NEMP2: variants seen among roughly 807,000 people sequenced by gnomAD.
NEMP2 encodes nuclear envelope integral membrane protein 2.
NEMP2 carries 53 observed loss-of-function variants against 54.2 expected under a neutral mutation model. The observed-to-expected ratio is 0.98, with a 90% confidence interval of 0.78 to 1.23. The LOEUF is 1.23. NEMP2 is among the 50% of genes most tolerant of loss of function. The probability of loss-of-function intolerance (pLI) is 0.00; values close to 1 mark genes in which losing one functional copy is unlikely to be tolerated. For missense variants in NEMP2, 455 were observed against 511.3 expected, an observed-to-expected ratio of 0.89 and a Z score of 1.06; for synonymous variants, 197 against 190.3, an observed-to-expected ratio of 1.04 and a Z score of -0.29.
the NEMP2 span, among the ~76,000 whole-genome samples, chr2:190,424,672 C>T: frequency 2.2e-4 from 33 of 152,258 alleles, no homozygotes; most frequent in Middle Eastern, 6.8e-3. This position sits in a 1 kb window ranked among gnomAD's most constrained non-coding sequence, Gnocchi z 5.9. Flanking sequence ...CTAATTACCT[C>T]AGCACCATTT....
chr2:190,454,677 T>C, the NEMP2 span, among the ~76,000 whole-genome samples: 3 of 152,070 alleles, frequency 2.0e-5, no homozygotes, highest in Non-Finnish European at 4.4e-5. This position sits in a 1 kb window ranked among gnomAD's most constrained non-coding sequence, Gnocchi z 4.6. Flanking sequence ...TCCAGAACTA[T>C]AAGAAATAAA....
At chr2:190,595,448 A>C in the NEMP2 span, among the ~76,000 whole-genome samples, 1 of 152,220 alleles carries the variant, frequency 6.6e-6, no homozygotes, top group Non-Finnish European at 1.5e-5. The surrounding 1 kb of genome is among the most constrained non-coding windows in gnomAD (Gnocchi z 4.0). Flanking sequence ...AAAAGAAACT[A>C]TCATCAGAGT....
the NEMP2 span, among the ~76,000 whole-genome samples, chr2:190,618,400 G>A: frequency 2.6e-5 from 4 of 152,214 alleles, no homozygotes; most frequent in African/African-American, 7.2e-5. Flanking sequence ...CACTTTATGA[G>A]AAACACCTAA....
chr2:190,519,367 A>T lies in NEMP2; in HGVS notation c.214-184T>A, dbSNP rs985190253. On this transcript the variant is annotated intron_variant, in intron 2 of 8. Transcript: ENST00000409150. This position sits in a 1 kb window ranked among gnomAD's most constrained non-coding sequence, Gnocchi z 5.4. ...CTCCCAAGTAGCTGGGACCACAGGC[A>T]CATGCCACCTGCCCAGCTAATTTTT... Among the ~76,000 whole-genome samples the T allele has an allele frequency of 1.3e-5, 2 of 152,300 alleles. No individual in the cohort carries two copies. The highest frequency in any genetic ancestry group is 4.1e-4 in the South Asian group (2 of 4,822).
At chr2:190,633,311 CTTTTTTTT>C in the NEMP2 span, among the ~76,000 whole-genome samples, 14 of 132,514 alleles carry the variant, frequency 1.1e-4, 1 homozygote, top group South Asian at 9.8e-4. Context: ...TCAACTTTTC[CTTTTTTTT>C]TTTTTTTTTT....
At chr2:190,560,386 A>G in the NEMP2 span, among the ~76,000 whole-genome samples, 1 of 152,186 alleles carries the variant, frequency 6.6e-6, no homozygotes, top group South Asian at 2.1e-4. This position sits in a 1 kb window ranked among gnomAD's most constrained non-coding sequence, Gnocchi z 5.4. Context: ...CATCGGTTTT[A>G]ACATCTCATT....
chr2:190,508,779 G>GACTT lies in NEMP2; in HGVS notation c.*406_*409dup, dbSNP rs1480813598. The GACTT allele has an allele frequency of 5.4e-6, 1 of 184,908 alleles. No individual in the cohort carries two copies. The highest frequency in any genetic ancestry group is 1.5e-4 in the East Asian group (1 of 6,718). 11.5% of individuals were successfully genotyped at this position (184,908 alleles called of 1,614,324 possible). The stretch of plus-strand genomic sequence containing the variant: ...CCAGCATGTCTCAGGTCTCTTTAAG[G>GACTT]ACTTATACTGACGAACTATAGGAAG... On this transcript the variant is annotated 3_prime_UTR_variant, in exon 9 of 9. Coordinates refer to ENST00000409150, the MANE Select transcript of NEMP2 (RefSeq NM_001142645.2). The surrounding 1 kb of genome is among the most constrained non-coding windows in gnomAD (Gnocchi z 4.3).
chr2:190,480,324 A>T, the NEMP2 span, among the ~76,000 whole-genome samples: 1 of 152,248 alleles, frequency 6.6e-6, no homozygotes. Flanking sequence ...ATATAGGAAG[A>T]TACACTATTA....
chr2:190,576,469 G>A, the NEMP2 span, among the ~76,000 whole-genome samples: 1 of 151,968 alleles, frequency 6.6e-6, no homozygotes, highest in Non-Finnish European at 1.5e-5. Flanking sequence ...AAATGAAACG[G>A]GAAACATCAA....
chr2:190,431,643 G>C, the NEMP2 span, among the ~76,000 whole-genome samples: 1 of 152,208 alleles, frequency 6.6e-6, no homozygotes, highest in Non-Finnish European at 1.5e-5. This position sits in a 1 kb window ranked among gnomAD's most constrained non-coding sequence, Gnocchi z 4.4. Flanking sequence ...GCAGTGAGCC[G>C]AGATGGCAGC....
chr2:190,443,646 T>C, the NEMP2 span, among the ~76,000 whole-genome samples: 6 of 152,226 alleles, frequency 3.9e-5, no homozygotes, highest in Middle Eastern at 3.2e-3. The surrounding 1 kb of genome is among the most constrained non-coding windows in gnomAD (Gnocchi z 4.2). Flanking sequence ...TCTCCCCAAA[T>C]TTCTGATGAC....
the NEMP2 span, among the ~76,000 whole-genome samples, chr2:190,462,199 C>T: frequency 6.6e-6 from 1 of 152,064 alleles, no homozygotes; most frequent in Admixed American, 6.6e-5. This position sits in a 1 kb window ranked among gnomAD's most constrained non-coding sequence, Gnocchi z 5.7. Context: ...CACATACAGA[C>T]ATTTTATGGA....
At chr2:190,608,079 T>C in the NEMP2 span, 3 of 152,364 alleles carry the variant, frequency 2.0e-5, no homozygotes, top group African/African-American at 7.2e-5. This position sits in a 1 kb window ranked among gnomAD's most constrained non-coding sequence, Gnocchi z 4.9. Context: ...ACTTTCAAGC[T>C]GTCCTGCTCT....
Position 190,510,420 on chromosome 2 carries a change from G to C in NEMP2, c.1071C>G (p.Ala357=). 1 of 1,551,724 alleles carries C rather than the reference G, an allele frequency of 6.4e-7. No individual in the cohort carries two copies. The highest frequency in any genetic ancestry group is 8.7e-7 in the Non-Finnish European group (1 of 1,147,006). The change falls in exon 8 of 9, where the codon GCC becomes GCG. Residue 357 remains alanine (A), a synonymous_variant. Coordinates refer to ENST00000409150, the MANE Select transcript of NEMP2 (RefSeq NM_001142645.2). The surrounding 1 kb of genome is among the most constrained non-coding windows in gnomAD (Gnocchi z 5.7). ...TNSALEELRR[A]CRKPDFPSWL... Reference sequence around the variant, plus strand: ...ATGAGGGAAAGTCGGGTTTTCGGCAGGCCCGGCGTAGCTCCTCCAGAGCAC... The same window carrying C: ...ATGAGGGAAAGTCGGGTTTTCGGCACGCCCGGCGTAGCTCCTCCAGAGCAC...
At chr2:190,481,836 C>T in the NEMP2 span, among the ~76,000 whole-genome samples, 121 of 152,082 alleles carry the variant, frequency 8.0e-4, 3 homozygotes, top group South Asian at 0.024. Flanking sequence ...ATCCATGCTG[C>T]TGCTGCTGCT....
chr2:190,558,896 A>G, the NEMP2 span, among the ~76,000 whole-genome samples: 1 of 152,308 alleles, frequency 6.6e-6, no homozygotes, highest in African/African-American at 2.4e-5. The surrounding 1 kb of genome is among the most constrained non-coding windows in gnomAD (Gnocchi z 4.4). Flanking sequence ...GCATATATAT[A>G]TGTGTATATA....
the NEMP2 span, among the ~76,000 whole-genome samples, chr2:190,605,749 A>T: frequency 6.6e-6 from 1 of 152,290 alleles, no homozygotes; most frequent in East Asian, 1.9e-4. Context: ...GCCATCTTCT[A>T]TGTGCCAAAG....
rs1691137119 is a variant in NEMP2, at chr2:190,531,356, G to C, written c.97+3203C>G. Among the ~76,000 whole-genome samples, 1 of 152,202 alleles carries C rather than the reference G, an allele frequency of 6.6e-6. No homozygotes were observed. The highest frequency in any genetic ancestry group is 1.5e-5 in the Non-Finnish European group (1 of 68,042). On this transcript the variant is annotated intron_variant, in intron 1 of 8. Transcript: ENST00000409150. The surrounding 1 kb of genome is among the most constrained non-coding windows in gnomAD (Gnocchi z 4.7). ...AACCCTCAAGGACTGAGGAGTATCTGTGGGATCAACCCTGAATGCCATCCT... is the reference window on the plus strand; with the variant it reads ...AACCCTCAAGGACTGAGGAGTATCTCTGGGATCAACCCTGAATGCCATCCT...
chr2:190,528,132 G>T lies in NEMP2; in HGVS notation c.98-2754C>A, dbSNP rs533181226. On this transcript the variant is annotated intron_variant, in intron 1 of 8. Transcript: ENST00000409150. The surrounding 1 kb of genome is among the most constrained non-coding windows in gnomAD (Gnocchi z 4.3). ...GCAACCAATGCTGAGGCACATTTTT[G>T]AATATATCTGAGATGCAAATGACTT... Among the ~76,000 whole-genome samples the T allele has an allele frequency of 1.1e-4, 17 of 152,308 alleles. No homozygotes were observed. The highest frequency in any genetic ancestry group is 9.6e-4 in the East Asian group (5 of 5,182).
Sources: allele counts gnomAD v4.1 joint callset (sites outside exome capture counted in the v4.1 genomes callset), GRCh38; gene constraint gnomAD v4.1.1; non-coding constraint Gnocchi (gnomAD v3.1); transcripts MANE v1.5; gene names NCBI Gene and HGNC (gene_info 2026-07-23, HGNC 2026-07-21).